The following REPS2 variants were observed in gnomAD, a reference collection of about 807,000 sequenced individuals.
REPS2 encodes ralBP1-associated Eps domain-containing protein 2.
A neutral mutation model predicts 53.6 loss-of-function variants in REPS2; 23 were observed. The observed-to-expected ratio is 0.43, with a 90% CI of 0.31 to 0.61. The LOEUF is 0.61. Ranked by LOEUF, REPS2 falls within the 20% of genes least tolerant of loss-of-function variation. The pLI is 0.11. For missense variants in REPS2, 446 were observed against 534.9 expected, an observed-to-expected ratio of 0.83 and a Z score of 1.64; for synonymous variants, 238 against 218.6, an observed-to-expected ratio of 1.09 and a Z score of -0.78.
intron 1 of REPS2, among the ~76,000 whole-genome samples, chrX:17,005,589 G>A (rs1449038900): frequency 9.0e-6 from 1 of 111,500 alleles, no homozygotes; most frequent in Non-Finnish European, 1.9e-5. Flanking sequence ...ATCGGGACAG[G>A]GAAAGGAGCT....
At chrX:17,112,538 C>A (rs1332441250) in intron 14 of REPS2, among the ~76,000 whole-genome samples, 1 of 111,536 alleles carries the variant, frequency 9.0e-6, no homozygotes, top group Non-Finnish European at 1.9e-5. Context: ...TCTCTGATGT[C>A]AATGGAATGA....
intron 5 of REPS2, among the ~76,000 whole-genome samples, chrX:17,039,492 T>C (rs2061805107): frequency 8.9e-6 from 1 of 112,077 alleles, no homozygotes; most frequent in Admixed American, 9.5e-5. Context: ...ATTTAATAGT[T>C]CGCCAGCCAA....
the REPS2 span, among the ~76,000 whole-genome samples, chrX:17,188,360 C>A: frequency 8.9e-6 from 1 of 112,116 alleles, no homozygotes; most frequent in Non-Finnish European, 1.9e-5. Flanking sequence ...TTTTTGAGGA[C>A]AGAGTGTCTC....
the REPS2 span, among the ~76,000 whole-genome samples, chrX:17,193,274 T>C: frequency 8.9e-6 from 1 of 112,295 alleles, no homozygotes; most frequent in Non-Finnish European, 1.9e-5. Context: ...GTCAATGTTC[T>C]TAGTTTTAGC....
intron 1 of REPS2, among the ~76,000 whole-genome samples, chrX:17,004,912 CAT>C (rs1220060405): frequency 9.1e-6 from 1 of 110,103 alleles, no homozygotes; most frequent in Non-Finnish European, 1.9e-5. Context: ...CTATGTTGCC[CAT>C]AGTCTTGAAC....
At chrX:17,193,133 C>A in the REPS2 span, among the ~76,000 whole-genome samples, 1 of 112,238 alleles carries the variant, frequency 8.9e-6, no homozygotes, top group African/African-American at 3.2e-5. Context: ...AGAGGTATTA[C>A]AGGAGATGCA....
intron 14 of REPS2, among the ~76,000 whole-genome samples, chrX:17,127,327 A>C (rs1210128661): frequency 1.8e-4 from 20 of 112,306 alleles, no homozygotes; most frequent in Non-Finnish European, 3.8e-5. Flanking sequence ...TGTAAAATAC[A>C]AATCTAGTCA....
At chrX:17,093,605 C>G (rs1347215280) in intron 13 of REPS2, among the ~76,000 whole-genome samples, 1 of 110,406 alleles carries the variant, frequency 9.1e-6, no homozygotes, top group Non-Finnish European at 1.9e-5. Context: ...CTTCGTAATT[C>G]TAAATAGCAT....
chrX:17,160,862 A>G, the REPS2 span, among the ~76,000 whole-genome samples: 2 of 112,121 alleles, frequency 1.8e-5, no homozygotes, highest in South Asian at 3.7e-4. Flanking sequence ...TTTTAAAAAC[A>G]TAATGTCTTT....
the REPS2 span, among the ~76,000 whole-genome samples, chrX:17,181,385 G>A: frequency 8.9e-6 from 1 of 112,631 alleles, no homozygotes; most frequent in South Asian, 3.7e-4. Context: ...CAGTCAATGG[G>A]ACAATAGCAA....
In REPS2 at chrX:16,969,015, G is replaced by A. The variant is rs758510529; in HGVS notation, c.273+21881G>A. Among the ~76,000 whole-genome samples the A allele has an allele frequency of 8.2e-5, 9 of 110,368 alleles. No homozygotes were observed. In the East Asian group the frequency reaches 8.8e-4, roughly 11 times the overall value. On this transcript the variant is annotated intron_variant, in intron 1 of 17. Coordinates refer to ENST00000357277, the MANE Select transcript of REPS2 (RefSeq NM_004726.3). ...GGGCTCCTCACTTTTCAGACGGGGC[G>A]GTTGCCAGGCAGAGGGTCTCCTCAC...
At chrX:17,179,938 T>C in the REPS2 span, among the ~76,000 whole-genome samples, 4 of 112,301 alleles carry the variant, frequency 3.6e-5, no homozygotes, top group Admixed American at 9.4e-5. Flanking sequence ...CTTAGAGAGA[T>C]GGCTATGATG....
intron 5 of REPS2, among the ~76,000 whole-genome samples, chrX:17,038,567 C>T (rs2061794127): frequency 1.8e-5 from 2 of 112,711 alleles, no homozygotes; most frequent in African/African-American, 3.2e-5. Flanking sequence ...CTGCCTGTAA[C>T]TTGGGTCTGC....
the REPS2 span, among the ~76,000 whole-genome samples, chrX:17,187,556 T>C: frequency 8.9e-6 from 1 of 112,518 alleles, no homozygotes; most frequent in Non-Finnish European, 1.9e-5. Context: ...ACCCAGCTTC[T>C]ATCTTGGAAG....
downstream of REPS2, among the ~76,000 whole-genome samples, chrX:17,155,963 A>T (rs1299481832): frequency 8.9e-6 from 1 of 111,987 alleles, no homozygotes; most frequent in African/African-American, 3.3e-5. Context: ...GAGTGTGGAA[A>T]TGAAGCTGAA....
At chrX:17,192,211 C>T in the REPS2 span, among the ~76,000 whole-genome samples, 2 of 112,390 alleles carry the variant, frequency 1.8e-5, no homozygotes, top group East Asian at 2.8e-4. Flanking sequence ...TGTGCGTGCA[C>T]GCATGAGCGT....
At chrX:17,131,903 G>GT (rs796407460) in intron 14 of REPS2, among the ~76,000 whole-genome samples, 5,326 of 90,276 alleles carry the variant, frequency 0.059, 146 homozygotes, top group African/African-American at 0.091. Flanking sequence ...ATTTACTAGA[G>GT]TTTTTTTTTT....
At chrX:17,083,825 A>C (rs1191774627) in intron 13 of REPS2, among the ~76,000 whole-genome samples, 1 of 110,975 alleles carries the variant, frequency 9.0e-6, no homozygotes, top group Non-Finnish European at 1.9e-5. Flanking sequence ...CCCACAGTGC[A>C]CAGCTATCCA....
chrX:16,962,578 G>A (rs2060679038), intron 1 of REPS2, among the ~76,000 whole-genome samples: 1 of 111,451 alleles, frequency 9.0e-6, no homozygotes, highest in South Asian at 3.7e-4. Flanking sequence ...GGCTCAATAA[G>A]TCTAGAGATG....
Sources: gnomAD v4.1 joint callset for allele counts (sites outside exome capture counted in the v4.1 genomes callset) on GRCh38, gnomAD v4.1.1 for gene constraint, MANE v1.5 for transcripts, NCBI Gene and HGNC (gene_info 2026-07-23, HGNC 2026-07-21) for gene names.